Variants in SREK1 observed in about 807,000 individuals in gnomAD.
SREK1 encodes the protein splicing regulatory glutamic acid and lysine rich protein 1.
Under a neutral mutation model 66.5 loss-of-function variants are expected in SREK1, and 13 were observed. That is an observed-to-expected ratio of 0.20 (90% CI 0.13 to 0.31). The LOEUF (loss-of-function observed/expected upper bound fraction) is 0.31. Among genes scored for constraint, SREK1 ranks in the 10% least tolerant of loss-of-function variants. SREK1 has a pLI of 1.00. For synonymous variants in SREK1, 265 were observed against 263.5 expected (o/e 1.01, Z -0.05); for missense variants, 607 against 769.6 (o/e 0.79, Z 2.50).
intron 1 of SREK1, among the ~76,000 whole-genome samples, chr5:66,152,094 C>T (rs1478155265): frequency 2.6e-5 from 4 of 152,100 alleles, no homozygotes; most frequent in Admixed American, 2.0e-4. Context: ...ATCCGCCCGC[C>T]TTCCGCCTTG....
chr5:66,173,816 T>C (rs1745844139), intron 9 of SREK1, among the ~76,000 whole-genome samples: 1 of 152,232 alleles, frequency 6.6e-6, no homozygotes, highest in South Asian at 2.1e-4. Context: ...GAGAATGTCA[T>C]TGATGTAATC....
chr5:66,171,016 A>C, intron 9 of SREK1, 69 bp downstream of exon 9: 4 of 1,526,800 alleles, frequency 2.6e-6, no homozygotes, highest in Non-Finnish European at 3.5e-6. Context: ...TTTTTTACGG[A>C]GGGAGAAAAG....
At chr5:66,146,348 T>C (rs1357703507) in intron 1 of SREK1, among the ~76,000 whole-genome samples, 1 of 152,100 alleles carries the variant, frequency 6.6e-6, no homozygotes, top group Non-Finnish European at 1.5e-5. Flanking sequence ...ATCAACATAA[T>C]ATTTATTTGG....
At chr5:66,152,680 A>T (rs1474813149) in intron 1 of SREK1, among the ~76,000 whole-genome samples, 1 of 152,196 alleles carries the variant, frequency 6.6e-6, no homozygotes, top group Admixed American at 6.5e-5. Flanking sequence ...GTATGTACTT[A>T]GTTCGGTCTT....
At chr5:66,175,984 C>T (rs1746024014) in intron 10 of SREK1, among the ~76,000 whole-genome samples, 1 of 152,036 alleles carries the variant, frequency 6.6e-6, no homozygotes, top group Non-Finnish European at 1.5e-5. Flanking sequence ...TTATGTGAGT[C>T]AAAAACTGAT....
Position 66,183,340 on chromosome 5 carries a change from T to A in SREK1, c.*4472T>A, listed in dbSNP as rs963920947. The A allele has an allele frequency of 5.3e-5, 8 of 152,196 alleles. No individual in the cohort carries two copies. The highest frequency in any genetic ancestry group is 1.9e-4 in the African/African-American group (8 of 41,440). The allele number at this position is 152,196 out of a possible 1,614,324, so 9.4% of individuals were successfully genotyped here. A position where few individuals can be genotyped will look rare whatever the true frequency, so the allele number is the denominator to read the frequency against. On this transcript the variant is annotated 3_prime_UTR_variant, in exon 12 of 12. Coordinates refer to ENST00000334121, the MANE Select transcript of SREK1 (RefSeq NM_001077199.3). ...ACTGTTGGGGAATAAACTAAAGAAT[T>A]TCTGATTTCTACAATAGATTTAAGT...
At chr5:66,175,155 T>C in intron 10 of SREK1, 114 bp downstream of exon 10, 1 of 801,142 alleles carries the variant, frequency 1.2e-6, no homozygotes, top group Admixed American at 3.0e-5. Context: ...ATAATACATA[T>C]GCATTATTCA....
chr5:66,149,281 C>T lies in SREK1; in HGVS notation c.162-4182C>T, dbSNP rs144967526. 3.5e-3 allele frequency among the ~76,000 whole-genome samples: 529 copies of T among 151,720 alleles called. 3 individuals carry two copies. Among genetic ancestry groups the T allele is most frequent in the African/African-American group, 0.012 (503 of 41,300 alleles). ...AGGAGAATCGCATGAACCCGGGAGG[C>T]GGAGGTTGCAGTGAGCCGGGATCCC... On this transcript the variant is annotated intron_variant, in intron 1 of 11. Coordinates refer to ENST00000334121, the MANE Select transcript of SREK1 (RefSeq NM_001077199.3).
At chr5:66,162,663 T>C in intron 5 of SREK1, 71 bp downstream of exon 5, 1 of 1,356,620 alleles carries the variant, frequency 7.4e-7, no homozygotes, top group Non-Finnish European at 9.9e-7. Context: ...TAATGAAGGC[T>C]TTTTTTTTCT....
intron 5 of SREK1, chr5:66,163,397 T>C (rs1266873088): frequency 1.2e-5 from 2 of 160,996 alleles, no homozygotes; most frequent in African/African-American, 4.8e-5. Flanking sequence ...TATGATGATA[T>C]ACAGGTAGCT....
At chr5:66,158,789 G>A (rs1744498811) in intron 2 of SREK1, 1 of 1,284,238 alleles carries the variant, frequency 7.8e-7, no homozygotes, top group Non-Finnish European at 1.0e-6. Context: ...TTCTGTATCT[G>A]ATGTTCTGTG....
intron 2 of SREK1, among the ~76,000 whole-genome samples, chr5:66,154,340 CTG>C (rs1744103810): frequency 6.6e-6 from 1 of 152,188 alleles, no homozygotes; most frequent in African/African-American, 2.4e-5. Context: ...GTATAATAGA[CTG>C]TGCTGAATTT....
intron 6 of SREK1, chr5:66,164,270 A>G (rs971728105): frequency 5.8e-5 from 16 of 274,680 alleles, no homozygotes; most frequent in Admixed American, 1.0e-4. Context: ...CTTTTCCTCA[A>G]CATTTTAATT....
chr5:66,162,539 T>C lies in SREK1; in HGVS notation c.702T>C (p.Ser234=). The C allele has an allele frequency of 1.9e-6, 3 of 1,614,076 alleles. No homozygotes were observed. Among genetic ancestry groups the C allele is most frequent in the Non-Finnish European group, 2.5e-6 (3 of 1,179,964 alleles). Residue 234 remains serine, a synonymous_variant, in exon 5 of 12, where the codon TCT becomes TCC. Transcript: ENST00000334121. ...TTGTGGAATTTGCAGACCAAAATTCTGTACCAAGGGCCCTTGCTTTTAATG... is the reference window on the plus strand; with the variant it reads ...TTGTGGAATTTGCAGACCAAAATTCCGTACCAAGGGCCCTTGCTTTTAATG... ...FAFVEFADQN[S]VPRALAFNGV...
chr5:66,170,994 T>C, intron 9 of SREK1, 47 bp downstream of exon 9: 1 of 1,548,982 alleles, frequency 6.5e-7, no homozygotes, highest in Non-Finnish European at 8.7e-7. Context: ...CTGATGACAA[T>C]TGGAAACAAA....
In SREK1 at chr5:66,175,034, C is replaced by G; in HGVS notation, c.1573C>G (p.Pro525Ala). ...IKRKSSRSPS[P>A]RSRNKKDKKR... The stretch of plus-strand genomic sequence containing the variant: ...AAGGAAATCTTCTAGATCTCCGTCC[C>G]CCAGGAGGTAGGTTGGGAGCTTGTG... The change falls in exon 10 of 12, where the codon CCC (proline) becomes GCC (alanine). Residue 525 changes from proline to alanine, a missense_variant. Physicochemically the swap from Pro to Ala is conservative, Grantham distance 27 (BLOSUM62 -1). Transcript: ENST00000334121. The G allele has an allele frequency of 1.2e-6, 2 of 1,610,702 alleles. No homozygotes were observed. Among genetic ancestry groups the G allele is most frequent in the Non-Finnish European group, 1.7e-6 (2 of 1,178,164 alleles).
chr5:66,181,911 G>GGA lies in SREK1; in HGVS notation c.*3044_*3045insAG, dbSNP rs1554079282. 5 of 122,938 alleles carry GGA rather than the reference G, an allele frequency of 4.1e-5. No individual in the cohort carries two copies. The highest frequency in any genetic ancestry group is 1.4e-4 in the African/African-American group (5 of 34,500). 7.6% of individuals were successfully genotyped at this position (122,938 alleles called of 1,614,324 possible). A position where few individuals can be genotyped will look rare whatever the true frequency, so the allele number is the denominator to read the frequency against. On this transcript the variant is annotated 3_prime_UTR_variant, in exon 12 of 12. Coordinates refer to ENST00000334121, the MANE Select transcript of SREK1 (RefSeq NM_001077199.3). ...AAAGGTTTTTTTGTCGGGGGGGGGG[G>GGA]GGTCAAGAGAATTTATTTTGTGATA...
chr5:66,144,913 A>T (rs1459744548), intron 1 of SREK1: 2 of 996,904 alleles, frequency 2.0e-6, no homozygotes, highest in Non-Finnish European at 2.4e-6. Flanking sequence ...GCGTTTTTCC[A>T]CTCTGAAAAT....
chr5:66,164,913 G>C lies in SREK1; in HGVS notation c.1001+16G>C. 6.3e-7 allele frequency: 1 copy of C among 1,586,378 alleles called. No individual in the cohort carries two copies. Among genetic ancestry groups the C allele is most frequent in the Non-Finnish European group, 8.6e-7 (1 of 1,167,596 alleles). On this transcript the variant is annotated intron_variant, in intron 7 of 11. Transcript: ENST00000334121. ...CAAAACACAGGTGAGAATTTCTGCT[G>C]TCATATTTAAATTTTATTTTAGTTT...
Sources: allele counts gnomAD v4.1 joint callset (sites outside exome capture counted in the v4.1 genomes callset), GRCh38; gene constraint gnomAD v4.1.1; transcripts MANE v1.5; gene names NCBI Gene and HGNC (gene_info 2026-07-23, HGNC 2026-07-21).